EFR3A: variants seen among roughly 807,000 people sequenced by gnomAD.
EFR3A encodes the protein EFR3 homolog A, also known as protein EFR3 homolog A.
Under a neutral mutation model 104.4 loss-of-function variants are expected in EFR3A, and 76 were observed. The observed-to-expected ratio is 0.73, with a 90% CI of 0.60 to 0.88. The LOEUF is 0.88. EFR3A is among the 40% of genes least tolerant of loss of function. The pLI is 0.00. For synonymous variants in EFR3A, 330 were observed against 330.0 expected, an observed-to-expected ratio of 1.00 and a Z score of 0.00; for missense variants, 985 against 1,012.5, an observed-to-expected ratio of 0.97 and a Z score of 0.37.
chr8:132,001,721 C>T, intron 19 of EFR3A, 38 bp from the exon 20 acceptor site: 1 of 1,581,114 alleles, frequency 6.3e-7, no homozygotes. Flanking sequence ...TATATTGACC[C>T]TTTTTAACTC....
In EFR3A at chr8:131,953,858, C is replaced by T. The variant is rs146926073; in HGVS notation, c.529C>T (p.Arg177Cys). 8 of 1,554,870 alleles carry T rather than the reference C, an allele frequency of 5.1e-6. No individual in the cohort carries two copies. The highest frequency in any genetic ancestry group is 1.4e-5 in the African/African-American group (1 of 71,646). The change falls in exon 6 of 23, where the codon CGC (arginine) becomes TGC (cysteine). Residue 177 changes from arginine (R) to cysteine (C), a missense_variant. By Grantham distance (180) the Arg-to-Cys change is radical. Coordinates refer to ENST00000254624, the MANE Select transcript of EFR3A (RefSeq NM_015137.6). ...AGIRGIQGVVRKTVNDELRAT... is the reference protein window; with the variant it reads ...AGIRGIQGVVCKTVNDELRAT... ...AATTAGAGGTATTCAAGGTGTGGTT[C>T]GCAAAACAGTCAACGATGAACTTCG...
At chr8:132,007,613 T>A (rs1019730630) in intron 22 of EFR3A, among the ~76,000 whole-genome samples, 1 of 151,928 alleles carries the variant, frequency 6.6e-6, no homozygotes, top group African/African-American at 2.4e-5. Flanking sequence ...AACGTATAAA[T>A]TGATTTTAAA....
At chr8:131,948,056 T>C (rs1415833551) in intron 4 of EFR3A, among the ~76,000 whole-genome samples, 5 of 152,132 alleles carry the variant, frequency 3.3e-5, no homozygotes. Flanking sequence ...CAGTTCCAAC[T>C]TCTTCTCTGA....
intron 6 of EFR3A, among the ~76,000 whole-genome samples, chr8:131,955,237 A>G (rs1359578838): frequency 6.6e-6 from 1 of 152,122 alleles, no homozygotes; most frequent in Non-Finnish European, 1.5e-5. Context: ...CCACATATAC[A>G]TTTTTAGAAT....
intron 3 of EFR3A, 38 bp from the exon 4 acceptor site, chr8:131,946,445 G>T: frequency 6.7e-7 from 1 of 1,495,278 alleles, no homozygotes; most frequent in Non-Finnish European, 8.9e-7. Flanking sequence ...ATTAAGAGAG[G>T]TAGAAATGCT....
intron 4 of EFR3A, among the ~76,000 whole-genome samples, chr8:131,949,702 G>T (rs1445187873): frequency 6.6e-6 from 1 of 151,794 alleles, no homozygotes; most frequent in African/African-American, 2.4e-5. Context: ...TAGTCCTGAC[G>T]CCTTGGGAAG....
At position 131,937,102 on chromosome 8, in the gene EFR3A, A is replaced by G. The variant is rs188306416; in HGVS notation, c.11-3397A>G. ...ATCAGTCAACTTATTAGTATACACA[A>G]TGACACTTGGCACTTTGGAGAACCT... On this transcript the variant is annotated intron_variant, in intron 1 of 22. Coordinates refer to ENST00000254624, the MANE Select transcript of EFR3A (RefSeq NM_015137.6). Among the ~76,000 whole-genome samples the G allele has an allele frequency of 7.9e-5, 12 of 152,224 alleles. No individual in the cohort carries two copies. The East Asian group carries it at 1.4e-3, about 17-fold the overall frequency.
rs528260572 is a variant in EFR3A at position 131,914,556 on chromosome 8, A to C, written c.10+10234A>C. On this transcript the variant is annotated intron_variant, in intron 1 of 22. Coordinates refer to ENST00000254624, the MANE Select transcript of EFR3A (RefSeq NM_015137.6). ...AAAATTTCTTCCACAGAGTATAATA[A>C]GGACTGTTGTATGGGAAGGATTCCG... Among the ~76,000 whole-genome samples, 38 of 152,204 alleles carry C rather than the reference A, an allele frequency of 2.5e-4. 1 individual carries two copies. In the South Asian group the frequency reaches 7.7e-3, roughly 31 times the overall value.
At chr8:131,931,418 T>G (rs1817604385) in intron 1 of EFR3A, among the ~76,000 whole-genome samples, 1 of 152,164 alleles carries the variant, frequency 6.6e-6, no homozygotes, top group South Asian at 2.1e-4. Context: ...ATCAGTATAA[T>G]TAGGTATATA....
chr8:131,993,932 A>G (rs1821342637), intron 18 of EFR3A, among the ~76,000 whole-genome samples: 1 of 152,058 alleles, frequency 6.6e-6, no homozygotes. Context: ...GACCTGTTGG[A>G]GGGTGGAGGG....
At chr8:131,933,983 G>T (rs1817745794) in intron 1 of EFR3A, among the ~76,000 whole-genome samples, 1 of 152,046 alleles carries the variant, frequency 6.6e-6, no homozygotes, top group South Asian at 2.1e-4. Context: ...TAAGGTTTAT[G>T]TGCCTAGGAA....
chr8:131,924,862 T>C (rs997372060), intron 1 of EFR3A, among the ~76,000 whole-genome samples: 1 of 152,146 alleles, frequency 6.6e-6, no homozygotes, highest in African/African-American at 2.4e-5. Flanking sequence ...ATTTCTCTTA[T>C]ATTTTATTTA....
intron 8 of EFR3A, among the ~76,000 whole-genome samples, chr8:131,965,684 C>G (rs1819669667): frequency 6.6e-6 from 1 of 151,962 alleles, no homozygotes; most frequent in African/African-American, 2.4e-5. Context: ...CTAGAAATAC[C>G]ATTTGACCCA....
intron 22 of EFR3A, among the ~76,000 whole-genome samples, chr8:132,009,694 T>G (rs1822233778): frequency 6.6e-6 from 1 of 152,088 alleles, no homozygotes; most frequent in Non-Finnish European, 1.5e-5. Context: ...ACTTCACTTC[T>G]TTTGCCAAGG....
rs572773101 is a variant in EFR3A at position 131,980,388 on chromosome 8, G to C, written c.1575+967G>C. 2.6e-5 allele frequency among the ~76,000 whole-genome samples: 4 copies of C among 152,130 alleles called. No individual in the cohort carries two copies. In the East Asian group the frequency reaches 7.7e-4, roughly 29 times the overall value. The stretch of plus-strand genomic sequence containing the variant: ...GATTCCTTGAATAAAATATTTAAAT[G>C]AGGCTATACTGTATATCAAAAAACT... On this transcript the variant is annotated intron_variant, in intron 14 of 22. Coordinates refer to ENST00000254624, the MANE Select transcript of EFR3A (RefSeq NM_015137.6).
At chr8:131,953,697 A>G in intron 5 of EFR3A, 121 bp from the exon 6 acceptor site, 1 of 967,470 alleles carries the variant, frequency 1.0e-6, no homozygotes, top group Non-Finnish European at 1.4e-6. Context: ...GTGTTATTTT[A>G]AGATATTTTA....
intron 5 of EFR3A, among the ~76,000 whole-genome samples, chr8:131,953,271 T>C (rs1158039791): frequency 1.3e-5 from 2 of 152,152 alleles, no homozygotes; most frequent in Non-Finnish European, 2.9e-5. Context: ...TATGTGTTTA[T>C]AGACATATTT....
chr8:131,940,371 A>G (rs1818103118), intron 1 of EFR3A, 128 bp from the exon 2 acceptor site: 2 of 845,372 alleles, frequency 2.4e-6, no homozygotes, highest in Non-Finnish European at 3.5e-6. Context: ...TTACATTTGT[A>G]TGTCTTTATT....
chr8:131,938,012 T>C (rs1197260987), intron 1 of EFR3A, among the ~76,000 whole-genome samples: 1 of 152,112 alleles, frequency 6.6e-6, no homozygotes, highest in Non-Finnish European at 1.5e-5. Context: ...TAGTATCTTA[T>C]TTAAGCTAGT....
Sources: gnomAD v4.1 joint callset for allele counts (sites outside exome capture counted in the v4.1 genomes callset) on GRCh38, gnomAD v4.1.1 for gene constraint, MANE v1.5 for transcripts, NCBI Gene and HGNC (gene_info 2026-07-23, HGNC 2026-07-21) for gene names.